Variants in KCNQ1OT1 observed in about 807,000 individuals in gnomAD.
KCNQ1OT1 encodes the protein KCNQ1 opposite strand/antisense transcript 1, also known as KCNQ1 antisense RNA 2 (non-protein coding).
At position 2,673,142 on chromosome 11, in the gene KCNQ1OT1, C is replaced by A; in HGVS notation, n.26853G>T. ...GCAGCATCAGGGCAGGGGTGCTGAC[C>A]ATCCCTGACCCAAGCACGAGGATCA... On this transcript the variant is annotated non_coding_transcript_exon_variant, in exon 1 of 1. Coordinates refer to ENST00000597346, the Ensembl canonical transcript of KCNQ1OT1. This position sits in a 1 kb window ranked among gnomAD's most constrained non-coding sequence, Gnocchi z 4.5. 1 of 398,694 alleles carries A rather than the reference C, an allele frequency of 2.5e-6. No individual in the cohort carries two copies. Among genetic ancestry groups the A allele is most frequent in the South Asian group, 1.3e-4 (1 of 7,838 alleles). 24.7% of individuals were successfully genotyped at this position (398,694 alleles called of 1,614,324 possible).
At chr11:2,632,256 T>C (rs767388756) in exon 1 of KCNQ1OT1, 10 of 397,808 alleles carry the variant, frequency 2.5e-5, no homozygotes, top group African/African-American at 4.1e-5. Context: ...CTTTGCTGAA[T>C]TAATTTATTC....
exon 1 of KCNQ1OT1, chr11:2,639,438 C>A (rs183283246): frequency 6.6e-6 from 1 of 152,218 alleles, no homozygotes; most frequent in Non-Finnish European, 1.5e-5. Context: ...ACAGTCAGGA[C>A]CCTCAGCTGC....
exon 1 of KCNQ1OT1, chr11:2,639,319 T>A (rs1395696236): frequency 1.3e-5 from 2 of 152,262 alleles, no homozygotes; most frequent in African/African-American, 4.8e-5. Context: ...GCTTTTCTGC[T>A]GTTTTTTCCC....
In KCNQ1OT1 at chr11:2,624,874, T is replaced by A; in HGVS notation, n.75121A>T. The A allele has an allele frequency of 2.5e-6, 1 of 398,612 alleles. No homozygotes were observed. Among genetic ancestry groups the A allele is most frequent in the South Asian group, 1.3e-4 (1 of 7,854 alleles). 24.7% of individuals were successfully genotyped at this position (398,612 alleles called of 1,614,324 possible). ...TGTGACTGCTGTATTTCATTTAACA[T>A]AATGGCCTCGAGGTTCATCCATGTT... On this transcript the variant is annotated non_coding_transcript_exon_variant, in exon 1 of 1. Coordinates refer to ENST00000597346, the Ensembl canonical transcript of KCNQ1OT1. The surrounding 1 kb of genome is among the most constrained non-coding windows in gnomAD (Gnocchi z 4.9).
chr11:2,633,981 G>A (rs748395815), exon 1 of KCNQ1OT1: 20 of 398,438 alleles, frequency 5.0e-5, no homozygotes, highest in Non-Finnish European at 6.6e-5. Context: ...AATCTATGTT[G>A]TTGAAGAGTC....
rs1344662541 is a variant in KCNQ1OT1 at position 2,642,978 on chromosome 11, CTTAT to C, written n.57013_57016del. ...TATTTATACAGTTTTGAATGCTCCT[CTTAT>C]TTATTTATAGTTTTATGCTATTGTG... is the stretch of plus-strand genomic sequence containing the variant. On this transcript the variant is annotated non_coding_transcript_exon_variant, in exon 1 of 1. Coordinates refer to ENST00000597346, the Ensembl canonical transcript of KCNQ1OT1. This position sits in a 1 kb window ranked among gnomAD's most constrained non-coding sequence, Gnocchi z 4.3. 1 of 397,706 alleles carries C rather than the reference CTTAT, an allele frequency of 2.5e-6. No individual in the cohort carries two copies. Among genetic ancestry groups the C allele is most frequent in the Non-Finnish European group, 4.4e-6 (1 of 225,664 alleles). 24.6% of individuals were successfully genotyped at this position (397,706 alleles called of 1,614,324 possible).
In KCNQ1OT1 at chr11:2,661,537, CACT is replaced by C. The variant is rs1849956335; in HGVS notation, n.38455_38457del. The C allele has an allele frequency of 2.0e-6, 1 of 499,508 alleles. No homozygotes were observed. Among genetic ancestry groups the C allele is most frequent in the Non-Finnish European group, 3.5e-6 (1 of 283,964 alleles). 30.9% of individuals were successfully genotyped at this position (499,508 alleles called of 1,614,324 possible). ...TCCTATCACCCCATCTTTCCTGACC[CACT>C]ACTCTGTCAATGTATGAGTGTGACA... On this transcript the variant is annotated non_coding_transcript_exon_variant, in exon 1 of 1. Transcript: ENST00000597346. This position sits in a 1 kb window ranked among gnomAD's most constrained non-coding sequence, Gnocchi z 5.9.
exon 1 of KCNQ1OT1, chr11:2,667,182 G>A: frequency 2.5e-6 from 1 of 398,676 alleles, no homozygotes; most frequent in East Asian, 3.6e-5. Flanking sequence ...CCTGCCATCA[G>A]CCCAGCTGTG....
chr11:2,660,255 C>A, exon 1 of KCNQ1OT1: 1 of 398,058 alleles, frequency 2.5e-6, no homozygotes, highest in Non-Finnish European at 4.4e-6. Context: ...GATCATCTGT[C>A]CTATCAGGCA....
chr11:2,639,066 A>G (rs1589997512), exon 1 of KCNQ1OT1: 1 of 152,074 alleles, frequency 6.6e-6, no homozygotes. Flanking sequence ...CTGCTCCATC[A>G]TGTCATTTAA....
chr11:2,646,753 C>G lies in KCNQ1OT1; in HGVS notation n.53242G>C, dbSNP rs571773630. The G allele has an allele frequency of 7.9e-4, 313 of 398,570 alleles. 2 individuals are homozygous for G. Among genetic ancestry groups the G allele is most frequent in the Non-Finnish European group, 1.2e-4 (28 of 226,060 alleles). The allele number at this position is 398,570 out of a possible 1,614,324, so 24.7% of individuals were successfully genotyped here. ...ACAGTCTCAAACTCCTGGGCTCAAGCAATCCACCCGCCTCATCCTTTCAAA... is the reference window on the plus strand; with the variant it reads ...ACAGTCTCAAACTCCTGGGCTCAAGGAATCCACCCGCCTCATCCTTTCAAA... On this transcript the variant is annotated non_coding_transcript_exon_variant, in exon 1 of 1. Coordinates refer to ENST00000597346, the Ensembl canonical transcript of KCNQ1OT1.
In KCNQ1OT1 at chr11:2,663,320, C is replaced by T. The variant is rs1850004008; in HGVS notation, n.36675G>A. ...GGCCCCTCCTGGCTGGGTAAAAAGG[C>T]AGGAGCAGAGGTGTGAGCAGGCTGG... On this transcript the variant is annotated non_coding_transcript_exon_variant, in exon 1 of 1. Coordinates refer to ENST00000597346, the Ensembl canonical transcript of KCNQ1OT1. This position sits in a 1 kb window ranked among gnomAD's most constrained non-coding sequence, Gnocchi z 5.2. 2.5e-6 allele frequency: 1 copy of T among 398,766 alleles called. No individual in the cohort carries two copies. Among genetic ancestry groups the T allele is most frequent in the Non-Finnish European group, 4.4e-6 (1 of 226,194 alleles). 24.7% of individuals were successfully genotyped at this position (398,766 alleles called of 1,614,324 possible).
Position 2,647,232 on chromosome 11 carries a change from C to A in KCNQ1OT1, n.52763G>T. The A allele has an allele frequency of 2.5e-6, 1 of 398,214 alleles. No homozygotes were observed. The highest frequency in any genetic ancestry group is 1.3e-4 in the South Asian group (1 of 7,724). The allele number at this position is 398,214 out of a possible 1,614,324, so 24.7% of individuals were successfully genotyped here. A position where few individuals can be genotyped will look rare whatever the true frequency, so the allele number is the denominator to read the frequency against. ...CTTTTTCTGCATCTATTGAGATGAT[C>A]ATGTATTTTTTTGTCCTTCCTTCTG... On this transcript the variant is annotated non_coding_transcript_exon_variant, in exon 1 of 1. Transcript: ENST00000597346. This position sits in a 1 kb window ranked among gnomAD's most constrained non-coding sequence, Gnocchi z 4.0.
chr11:2,666,464 G>C, exon 1 of KCNQ1OT1: 4 of 398,694 alleles, frequency 1.0e-5, no homozygotes, highest in Non-Finnish European at 4.4e-6. Flanking sequence ...GGACCCTGCA[G>C]AATCTCACGC....
In KCNQ1OT1 at chr11:2,658,223, C is replaced by A; in HGVS notation, n.41772G>T. On this transcript the variant is annotated non_coding_transcript_exon_variant, in exon 1 of 1. Transcript: ENST00000597346. This position sits in a 1 kb window ranked among gnomAD's most constrained non-coding sequence, Gnocchi z 4.9. ...CTAATTTCAGCATTCATTCATGGATCGTTTTCCTGCAGCAAATATTACCGT... is the reference window on the plus strand; with the variant it reads ...CTAATTTCAGCATTCATTCATGGATAGTTTTCCTGCAGCAAATATTACCGT... 1 of 398,544 alleles carries A rather than the reference C, an allele frequency of 2.5e-6. No individual in the cohort carries two copies. The highest frequency in any genetic ancestry group is 4.4e-6 in the Non-Finnish European group (1 of 226,054). 24.7% of individuals were successfully genotyped at this position (398,544 alleles called of 1,614,324 possible). A position where few individuals can be genotyped will look rare whatever the true frequency, so the allele number is the denominator to read the frequency against.
At chr11:2,610,021 G>C (rs1198064143) in exon 1 of KCNQ1OT1, 1 of 397,498 alleles carries the variant, frequency 2.5e-6, no homozygotes, top group African/African-American at 2.1e-5. Flanking sequence ...TATTATTATT[G>C]ATATAATTAG....
At chr11:2,650,395 G>A (rs1157898957) in exon 1 of KCNQ1OT1, 1 of 398,580 alleles carries the variant, frequency 2.5e-6, no homozygotes, top group Non-Finnish European at 4.4e-6. Context: ...CCAATTTTAT[G>A]GAGTAGCCTT....
rs1849756901 is a variant in KCNQ1OT1, at chr11:2,651,560, T to C, written n.48435A>G. 2.5e-6 allele frequency: 1 copy of C among 398,528 alleles called. No homozygotes were observed. 24.7% of individuals were successfully genotyped at this position (398,528 alleles called of 1,614,324 possible). A position where few individuals can be genotyped will look rare whatever the true frequency, so the allele number is the denominator to read the frequency against. On this transcript the variant is annotated non_coding_transcript_exon_variant, in exon 1 of 1. Transcript: ENST00000597346. This position sits in a 1 kb window ranked among gnomAD's most constrained non-coding sequence, Gnocchi z 6.1. ...TGTCCCTGAGAACATGGATATTGTG[T>C]TCTTTACCTCCATGTCTCCAGTGCC...
chr11:2,636,517 G>C (rs543571214), exon 1 of KCNQ1OT1: 1 of 152,292 alleles, frequency 6.6e-6, no homozygotes, highest in East Asian at 1.9e-4. Context: ...AACCAGCCTT[G>C]CATCCCAGGG....
Sources: gnomAD v4.1 joint callset for allele counts on GRCh38, gnomAD v4.1.1 for gene constraint, Gnocchi (gnomAD v3.1) non-coding constraint, MANE v1.5 for transcripts, NCBI Gene and HGNC (gene_info 2026-07-23, HGNC 2026-07-21) for gene names.